Variants in AMN1 observed in about 807,000 individuals in gnomAD.
AMN1 encodes antagonist of mitotic exit network 1 homolog.
In AMN1, 20 loss-of-function variants were observed where a neutral mutation model predicts 33.0. The ratio of observed to expected loss-of-function variants is 0.61; its 90% confidence interval spans 0.43 to 0.88. AMN1 has a LOEUF of 0.88. Among genes scored for constraint, AMN1 ranks in the 40% least tolerant of loss-of-function variants. The pLI, the probability that AMN1 is intolerant of heterozygous loss-of-function variation, is 0.00. For synonymous variants in AMN1, 114 were observed against 111.9 expected (o/e 1.02, Z -0.12); for missense variants, 246 against 307.4 (o/e 0.80, Z 1.49).
At chr12:31,689,669 A>G (rs78539546) in intron 5 of AMN1, among the ~76,000 whole-genome samples, 2,751 of 152,286 alleles carry the variant, frequency 0.018, 71 homozygotes, top group African/African-American at 0.062. Flanking sequence ...AAATAAAAAC[A>G]TATGTCTACA....
chr12:31,678,449 T>A (rs146346305), intron 6 of AMN1, among the ~76,000 whole-genome samples: 2,269 of 151,040 alleles, frequency 0.015, 18 homozygotes, highest in Non-Finnish European at 0.022. Flanking sequence ...TAGGCTGGAG[T>A]GCAATGGTGT....
intron 1 of AMN1, among the ~76,000 whole-genome samples, chr12:31,717,040 C>T (rs987955616): frequency 5.3e-5 from 8 of 151,808 alleles, no homozygotes; most frequent in South Asian, 2.1e-4. Flanking sequence ...ATTTAAGTTC[C>T]GGGATATACA....
At chr12:31,707,868 C>T (rs1013100964) in intron 2 of AMN1, among the ~76,000 whole-genome samples, 1 of 152,194 alleles carries the variant, frequency 6.6e-6, no homozygotes, top group African/African-American at 2.4e-5. Flanking sequence ...GGCAGAGGAA[C>T]ATAAATTGTG....
intron 5 of AMN1, among the ~76,000 whole-genome samples, chr12:31,696,992 A>G (rs577622353): frequency 1.3e-5 from 2 of 152,252 alleles, no homozygotes; most frequent in African/African-American, 2.4e-5. Flanking sequence ...ACAGGATGTC[A>G]AGAGAATTAA....
chr12:31,690,953 G>A (rs1171176241), intron 5 of AMN1, among the ~76,000 whole-genome samples: 1 of 151,980 alleles, frequency 6.6e-6, no homozygotes, highest in African/African-American at 2.4e-5. Flanking sequence ...GGCTAACATG[G>A]TGAAACCCCC....
At chr12:31,711,893 T>C (rs1210649133) in intron 1 of AMN1, among the ~76,000 whole-genome samples, 1 of 152,166 alleles carries the variant, frequency 6.6e-6, no homozygotes, top group African/African-American at 2.4e-5. Context: ...TAGCCACCCA[T>C]CTACTCTCTA....
intron 6 of AMN1, among the ~76,000 whole-genome samples, chr12:31,680,081 C>G (rs1565760949): frequency 6.9e-6 from 1 of 145,082 alleles, no homozygotes; most frequent in Non-Finnish European, 1.5e-5. Flanking sequence ...CAAGATCGCA[C>G]CACTACACTC....
At chr12:31,690,928 G>A (rs1938471018) in intron 5 of AMN1, among the ~76,000 whole-genome samples, 1 of 152,120 alleles carries the variant, frequency 6.6e-6, no homozygotes, top group African/African-American at 2.4e-5. Flanking sequence ...GAGGTCAGGA[G>A]ACCGAGACCA....
chr12:31,719,239 C>T (rs1030580222), intron 1 of AMN1: 3 of 440,482 alleles, frequency 6.8e-6, no homozygotes, highest in Non-Finnish European at 9.0e-6. Context: ...ATGCAGAAAT[C>T]GCCCATCTTC....
chr12:31,722,196 G>GT (rs1300389548), intron 1 of AMN1, among the ~76,000 whole-genome samples: 1 of 151,188 alleles, frequency 6.6e-6, no homozygotes, highest in Non-Finnish European at 1.5e-5. Context: ...TTGTTAATGT[G>GT]TTACAGTTGT....
chr12:31,683,669 G>A lies in AMN1; in HGVS notation c.703+5338C>T, dbSNP rs1339700915. Among the ~76,000 whole-genome samples the A allele has an allele frequency of 6.6e-6, 1 of 152,174 alleles. No individual in the cohort carries two copies. Among genetic ancestry groups the A allele is most frequent in the Non-Finnish European group, 1.5e-5 (1 of 68,042 alleles). Reference sequence around the variant, plus strand: ...TCTCTTGCCTGCCACCCTGTAAGACGTGCCTTTCGCCTTCAGCCATGATTG... The same window carrying A: ...TCTCTTGCCTGCCACCCTGTAAGACATGCCTTTCGCCTTCAGCCATGATTG... On this transcript the variant is annotated intron_variant, in intron 6 of 6. Transcript: ENST00000281471. The surrounding 1 kb of genome is among the most constrained non-coding windows in gnomAD (Gnocchi z 4.1).
chr12:31,689,927 G>A (rs1227509623), intron 5 of AMN1, among the ~76,000 whole-genome samples: 1 of 151,918 alleles, frequency 6.6e-6, no homozygotes, highest in Non-Finnish European at 1.5e-5. Context: ...CTTTCCCCCT[G>A]AGTCCCCAAA....
At chr12:31,684,982 A>G (rs535004776) in intron 6 of AMN1, among the ~76,000 whole-genome samples, 1 of 151,882 alleles carries the variant, frequency 6.6e-6, no homozygotes, top group South Asian at 2.1e-4. Context: ...AGTTACATTT[A>G]TATCACATAT....
chr12:31,699,395 CAAAAAAAA>C lies in AMN1; in HGVS notation c.317-1446_317-1439del, dbSNP rs34860207. Among the ~76,000 whole-genome samples the C allele has an allele frequency of 7.3e-4, 27 of 36,874 alleles. 1 individual carries two copies. The highest frequency in any genetic ancestry group is 7.0e-4 in the African/African-American group (6 of 8,568). 24.2% of individuals were successfully genotyped at this position (36,874 alleles called of 152,430 possible). On this transcript the variant is annotated intron_variant, in intron 3 of 6. Transcript: ENST00000281471. ...TGGGCAATATGGTGAGACTCTGTCT[CAAAAAAAA>C]AAAAAAAAAAAAAAAAAAGAAAGAA...
At chr12:31,716,819 C>G (rs1231703045) in intron 1 of AMN1, among the ~76,000 whole-genome samples, 1 of 152,126 alleles carries the variant, frequency 6.6e-6, no homozygotes, top group East Asian at 1.9e-4. Context: ...ATGTCTTTTG[C>G]TGAAGAGAAG....
rs746864535 is a variant in AMN1 at position 31,728,946 on chromosome 12, G to A, written c.38+25C>T. 6 of 1,540,964 alleles carry A rather than the reference G, an allele frequency of 3.9e-6. No individual in the cohort carries two copies. The East Asian group carries it at 7.4e-5, about 19-fold the overall frequency. On this transcript the variant is annotated intron_variant, in intron 1 of 6. Transcript: ENST00000281471. ...GGAGGAGGTGCTGGGGCGGCGCGAA[G>A]GGAGGCGGGACAGGGTAGACTCACA... is the stretch of plus-strand genomic sequence containing the variant.
chr12:31,710,745 T>A (rs1565778854), intron 1 of AMN1, among the ~76,000 whole-genome samples: 2 of 152,204 alleles, frequency 1.3e-5, no homozygotes, highest in Non-Finnish European at 2.9e-5. Flanking sequence ...TATTTCACAG[T>A]ACGGATGATC....
intron 1 of AMN1, among the ~76,000 whole-genome samples, chr12:31,713,059 G>A (rs1939529828): frequency 6.6e-6 from 1 of 152,154 alleles, no homozygotes; most frequent in Non-Finnish European, 1.5e-5. Flanking sequence ...TGGTGAAATT[G>A]CTGAATCATA....
intron 1 of AMN1, among the ~76,000 whole-genome samples, chr12:31,718,103 G>C (rs1029167980): frequency 2.0e-5 from 3 of 151,960 alleles, no homozygotes; most frequent in Non-Finnish European, 4.4e-5. Context: ...TTTCTTGGAG[G>C]CTTTGTTCGT....
Sources: gnomAD v4.1 joint callset for allele counts (sites outside exome capture counted in the v4.1 genomes callset) on GRCh38, gnomAD v4.1.1 for gene constraint, Gnocchi (gnomAD v3.1) non-coding constraint, MANE v1.5 for transcripts, NCBI Gene and HGNC (gene_info 2026-07-23, HGNC 2026-07-21) for gene names.